The following EFCAB5 variants were observed in gnomAD, a reference collection of about 807,000 sequenced individuals.
EFCAB5 encodes the protein EF-hand calcium binding domain 5.
A neutral mutation model predicts 167.9 loss-of-function variants in EFCAB5; 131 were observed. The observed-to-expected ratio is 0.78, with a 90% CI of 0.68 to 0.90. The LOEUF is 0.90. Among genes scored for constraint, EFCAB5 ranks in the 40% least tolerant of loss-of-function variants. The pLI, the probability that EFCAB5 is intolerant of heterozygous loss-of-function variation, is 0.00. For missense variants in EFCAB5, 1,663 were observed against 1,745.2 expected (o/e 0.95, Z 0.84); for synonymous variants, 574 against 602.8 (o/e 0.95, Z 0.70).
chr17:30,004,838 C>T (rs917237724), intron 7 of EFCAB5, among the ~76,000 whole-genome samples: 6 of 143,068 alleles, frequency 4.2e-5, no homozygotes, highest in South Asian at 2.2e-4. Flanking sequence ...GGTTTCACCA[C>T]GTTGGCCAGG....
At chr17:29,996,173 A>G (rs1023041141) in intron 5 of EFCAB5, 139 bp from the exon 6 acceptor site, 13 of 635,156 alleles carry the variant, frequency 2.0e-5, no homozygotes, top group African/African-American at 2.0e-4. Context: ...ACTTATTACT[A>G]TTTCTGTCCT....
intron 4 of EFCAB5, among the ~76,000 whole-genome samples, chr17:29,981,442 G>A (rs963222022): frequency 6.6e-5 from 10 of 152,102 alleles, no homozygotes; most frequent in African/African-American, 2.4e-4. Flanking sequence ...TTAGAGTTCA[G>A]GCTCAGACAC....
At chr17:30,058,137 T>G (rs542096571) in intron 13 of EFCAB5, among the ~76,000 whole-genome samples, 1 of 152,340 alleles carries the variant, frequency 6.6e-6, no homozygotes, top group African/African-American at 2.4e-5. Context: ...TGTACAGCTT[T>G]ATTCTTTCTC....
intron 10 of EFCAB5, among the ~76,000 whole-genome samples, chr17:30,055,384 G>T (rs1422613456): frequency 6.9e-6 from 1 of 143,958 alleles, no homozygotes; most frequent in Non-Finnish European, 1.5e-5. Flanking sequence ...AAGGAAGGAA[G>T]GTTCGTTCTC....
chr17:30,092,544 C>A (rs775595044), intron 21 of EFCAB5, among the ~76,000 whole-genome samples: 2 of 152,120 alleles, frequency 1.3e-5, no homozygotes, highest in South Asian at 2.1e-4. Context: ...CCCGCCACCA[C>A]GCCCAGCTAA....
chr17:30,082,716 CT>C (rs969533173), intron 17 of EFCAB5, among the ~76,000 whole-genome samples, 174 bp from the exon 18 acceptor site: 4 of 151,822 alleles, frequency 2.6e-5, no homozygotes, highest in Non-Finnish European at 5.9e-5. Context: ...CTTGATGATC[CT>C]TTTTTTTAAT....
chr17:29,942,305 A>G lies in EFCAB5; in HGVS notation c.105+3A>G. 6.3e-7 allele frequency: 1 copy of G among 1,582,498 alleles called. No individual in the cohort carries two copies. The highest frequency in any genetic ancestry group is 1.2e-5 in the South Asian group (1 of 85,714). On this transcript the variant is annotated splice_donor_region_variant and intron_variant, in intron 2 of 22. Transcript: ENST00000394835. ...CTGAAGTGAAAGAGCTTCATGAGGT[A>G]GAGTTGGCATGAATAAATCAGATAT...
chr17:30,028,501 T>C (rs2069391325), intron 7 of EFCAB5, among the ~76,000 whole-genome samples: 1 of 152,148 alleles, frequency 6.6e-6, no homozygotes, highest in African/African-American at 2.4e-5. Context: ...TGTGAAAATA[T>C]ATGAGAAAAA....
At position 29,956,989 on chromosome 17, in the gene EFCAB5, G is replaced by A. The variant is rs532372706; in HGVS notation, c.191-11802G>A. On this transcript the variant is annotated intron_variant, in intron 3 of 22. Transcript: ENST00000394835. ...CTAGCTAGGACTCCAGTACTATGTT[G>A]AATAACAATGGTAAAAATGGGCATC... Among the ~76,000 whole-genome samples, 51 of 152,216 alleles carry A rather than the reference G, an allele frequency of 3.4e-4. 1 individual carries two copies. In the South Asian group the frequency reaches 0.011, roughly 32 times the overall value.
At chr17:29,977,789 C>G (rs1028399747) in intron 4 of EFCAB5, among the ~76,000 whole-genome samples, 1 of 152,116 alleles carries the variant, frequency 6.6e-6, no homozygotes, top group Admixed American at 6.5e-5. Context: ...CTTAAGGATA[C>G]ACAAACCAAG....
chr17:30,072,015 T>G (rs958071942), intron 14 of EFCAB5, among the ~76,000 whole-genome samples: 3 of 152,236 alleles, frequency 2.0e-5, no homozygotes, highest in African/African-American at 7.2e-5. Flanking sequence ...AGAGGGGATA[T>G]CCAAAGGTTG....
Position 30,053,414 on chromosome 17 carries a change from G to T in EFCAB5, c.1460G>T (p.Ser487Ile). 6.8e-6 allele frequency: 11 copies of T among 1,613,936 alleles called. No individual in the cohort carries two copies. The highest frequency in any genetic ancestry group is 1.1e-5 in the South Asian group (1 of 91,086). ...AAAACCCAAAGTAAATTATTAGAAA[G>T]TCCAGATCAACCTAAACTTAACGAA... ...ASKTQSKLLE[S>I]PDQPKLNEQR... Residue 487 changes from serine (S) to isoleucine (I), a missense_variant, in exon 10 of 23, where the codon AGT (serine) becomes ATT (isoleucine). Physicochemically the swap from Ser to Ile is moderately radical, Grantham distance 142. Coordinates refer to ENST00000394835, the MANE Select transcript of EFCAB5 (RefSeq NM_198529.4).
In EFCAB5 at chr17:30,057,789, G is replaced by C. The variant is rs1291657832; in HGVS notation, c.2479G>C (p.Val827Leu). The C allele has an allele frequency of 6.2e-7, 1 of 1,613,822 alleles. No homozygotes were observed. Among genetic ancestry groups the C allele is most frequent in the East Asian group, 2.2e-5 (1 of 44,880 alleles). The change falls in exon 13 of 23, where the codon GTT becomes CTT. Residue 827 changes from valine (V) to leucine (L), a missense_variant. Physicochemically the swap from Val to Leu is conservative, Grantham distance 32. Transcript: ENST00000394835. Reference protein sequence around the residue: ...LQFVQLLETFVGEDAPLSVSE... With the variant: ...LQFVQLLETFLGEDAPLSVSE... The stretch of plus-strand genomic sequence containing the variant: ...GTTTGTGCAACTCCTGGAGACATTT[G>C]TTGGTGAAGACGCTCCCTTGAGTGT...
upstream of EFCAB5, among the ~76,000 whole-genome samples, chr17:29,941,207 G>C (rs2067293770): frequency 6.6e-6 from 1 of 151,926 alleles, no homozygotes; most frequent in African/African-American, 2.4e-5. Flanking sequence ...ATGATTTTTG[G>C]CATGGCAGTG....
At chr17:30,086,606 G>C (rs1247274049) in intron 18 of EFCAB5, among the ~76,000 whole-genome samples, 4 of 150,780 alleles carry the variant, frequency 2.7e-5, no homozygotes, top group Non-Finnish European at 5.9e-5. Flanking sequence ...AAAAAAATTA[G>C]CCGGGGCCGG....
At position 30,013,689 on chromosome 17, in the gene EFCAB5, C is replaced by T. The variant is rs563955524; in HGVS notation, c.1044+13713C>T. 2.2e-4 allele frequency among the ~76,000 whole-genome samples: 34 copies of T among 152,248 alleles called. No homozygotes were observed. The East Asian group carries it at 5.8e-3, about 26-fold the overall frequency. On this transcript the variant is annotated intron_variant, in intron 7 of 22. Coordinates refer to ENST00000394835, the MANE Select transcript of EFCAB5 (RefSeq NM_198529.4). ...TTTATTGCGTCTATTTGATTCTTCT[C>T]TCTTTTCTTCTTTATTAGTCTTGCT...
At chr17:30,096,075 A>G (rs2071282603) in intron 22 of EFCAB5, among the ~76,000 whole-genome samples, 1 of 152,234 alleles carries the variant, frequency 6.6e-6, no homozygotes, top group Admixed American at 6.5e-5. Flanking sequence ...GTTACGAGTT[A>G]TGATATTAGA....
At chr17:30,024,623 G>A (rs995203242) in intron 7 of EFCAB5, among the ~76,000 whole-genome samples, 59 of 151,934 alleles carry the variant, frequency 3.9e-4, no homozygotes, top group Admixed American at 1.1e-3. Context: ...GTAATTTATA[G>A]ATTCAATGCC....
At chr17:29,998,414 G>T (rs949510616) in intron 6 of EFCAB5, among the ~76,000 whole-genome samples, 2 of 151,970 alleles carry the variant, frequency 1.3e-5, no homozygotes, top group African/African-American at 4.8e-5. Flanking sequence ...TATTCATTCG[G>T]TCAATATTCA....
Sources: allele counts gnomAD v4.1 joint callset (sites outside exome capture counted in the v4.1 genomes callset), GRCh38; gene constraint gnomAD v4.1.1; transcripts MANE v1.5; gene names NCBI Gene and HGNC (gene_info 2026-07-23, HGNC 2026-07-21).